The following PSMD13 variants were observed in gnomAD, a reference collection of about 807,000 sequenced individuals.
PSMD13 encodes proteasome 26S subunit, non-ATPase 13.
In PSMD13, 8 loss-of-function variants were observed where a neutral mutation model predicts 57.4. The observed-to-expected ratio is 0.14, with a 90% CI of 0.08 to 0.25. The LOEUF is 0.25. Ranked by LOEUF, PSMD13 falls within the 10% of genes least tolerant of loss-of-function variation. The pLI is 1.00. For missense variants in PSMD13, 400 were observed against 461.5 expected (o/e 0.87, Z 1.22); for synonymous variants, 193 against 168.2 (o/e 1.15, Z -1.14).
intron 1 of PSMD13, among the ~76,000 whole-genome samples, chr11:237,773 T>G (rs577035061): frequency 6.6e-5 from 10 of 152,238 alleles, no homozygotes; most frequent in Admixed American, 5.9e-4. Flanking sequence ...TTTAGGTTTG[T>G]TTAGAAACAG....
intron 2 of PSMD13, chr11:243,145 T>G (rs1208559045): frequency 3.2e-6 from 2 of 620,564 alleles, no homozygotes; most frequent in Non-Finnish European, 6.3e-6. Flanking sequence ...TGTTGAAGAC[T>G]TTGGTCACCA....
chr11:249,384 A>C (rs1431527343), intron 9 of PSMD13, among the ~76,000 whole-genome samples: 1 of 151,998 alleles, frequency 6.6e-6, no homozygotes, highest in African/African-American at 2.4e-5. Flanking sequence ...ATGAGTGAAG[A>C]GGTACGGGAA....
rs1859582297 is a variant in PSMD13 at position 244,148 on chromosome 11, G to T, written c.210-13G>T. 2 of 1,608,242 alleles carry T rather than the reference G, an allele frequency of 1.2e-6. No individual in the cohort carries two copies. Among genetic ancestry groups the T allele is most frequent in the Non-Finnish European group, 1.7e-6 (2 of 1,175,452 alleles). On this transcript the variant is annotated splice_polypyrimidine_tract_variant and intron_variant, in intron 3 of 12. Coordinates refer to ENST00000532097, the MANE Select transcript of PSMD13 (RefSeq NM_002817.4). ...GCTCGGCGGTGCTCAAAGGCTGGTG[G>T]CTTTTATTTCAGGGTGAACCCTTTG... is the stretch of plus-strand genomic sequence containing the variant.
At chr11:240,100 G>GTTTTT (rs1564820130) in intron 2 of PSMD13, among the ~76,000 whole-genome samples, 2 of 44,486 alleles carry the variant, frequency 4.5e-5, no homozygotes, top group African/African-American at 1.2e-4. Flanking sequence ...AATGAGACCT[G>GTTTTT]CTTTTTTTTT....
At chr11:245,278 G>C (rs1194521336) in intron 6 of PSMD13, among the ~76,000 whole-genome samples, 1 of 152,120 alleles carries the variant, frequency 6.6e-6, no homozygotes, top group African/African-American at 2.4e-5. Context: ...TTTTGCCTTT[G>C]TGTGTGTCTG....
intron 9 of PSMD13, 59 bp from the exon 10 acceptor site, chr11:250,744 T>G (rs1212402219): frequency 2.0e-6 from 3 of 1,513,916 alleles, no homozygotes; most frequent in Admixed American, 1.7e-5. Flanking sequence ...AGATCCCCAG[T>G]TAAGTAACTG....
intron 6 of PSMD13, among the ~76,000 whole-genome samples, chr11:245,245 C>T (rs962639276): frequency 1.3e-5 from 2 of 152,100 alleles, no homozygotes; most frequent in Non-Finnish European, 2.9e-5. Flanking sequence ...GCCCAGCCCC[C>T]CCGATTGCTA....
At position 236,989 on chromosome 11, in the gene PSMD13, A is replaced by C; in HGVS notation, c.-61A>C. 7.1e-7 allele frequency: 1 copy of C among 1,414,116 alleles called. No individual in the cohort carries two copies. Among genetic ancestry groups the C allele is most frequent in the Non-Finnish European group, 9.9e-7 (1 of 1,005,804 alleles). 87.6% of individuals were successfully genotyped at this position (1,414,116 alleles called of 1,614,324 possible). ...CCGGAAGTGAGTGAGCATTTCCGGC[A>C]GCCATCCCCGCGGTGCTGACATCCC... On this transcript the variant is annotated 5_prime_UTR_variant, in exon 1 of 13. Transcript: ENST00000532097.
At chr11:241,695 G>A (rs867502496) in intron 2 of PSMD13, among the ~76,000 whole-genome samples, 2 of 152,050 alleles carry the variant, frequency 1.3e-5, no homozygotes, top group African/African-American at 4.8e-5. Flanking sequence ...AGTCTGGTTC[G>A]TTACCCCTAA....
chr11:239,630 A>G (rs1295448696), intron 2 of PSMD13, among the ~76,000 whole-genome samples: 2 of 152,036 alleles, frequency 1.3e-5, no homozygotes, highest in African/African-American at 4.8e-5. Flanking sequence ...GGGTAGGTGG[A>G]TTGGAGGGAG....
chr11:249,560 C>CGGGGAGGGGGAGAGCGGT (rs1859730231), intron 9 of PSMD13, among the ~76,000 whole-genome samples: 1 of 86,400 alleles, frequency 1.2e-5, no homozygotes, highest in Non-Finnish European at 2.2e-5. Context: ...GGGAGAGCGG[C>CGGGGAGGGGGAGAGCGGT]GGGTGCGGGG....
In PSMD13 at chr11:249,070, C is replaced by G. The variant is rs370984537; in HGVS notation, c.774+13C>G. Reference sequence around the variant, plus strand: ...CTGGGGCCAGCAGGTAGGACTCCCACGATGCCCAGCCCTTATTCCCCCATG... The same window carrying G: ...CTGGGGCCAGCAGGTAGGACTCCCAGGATGCCCAGCCCTTATTCCCCCATG... On this transcript the variant is annotated intron_variant, in intron 9 of 12. Coordinates refer to ENST00000532097, the MANE Select transcript of PSMD13 (RefSeq NM_002817.4). 1 of 1,609,806 alleles carries G rather than the reference C, an allele frequency of 6.2e-7. No homozygotes were observed. The highest frequency in any genetic ancestry group is 8.5e-7 in the Non-Finnish European group (1 of 1,179,984).
chr11:240,101 C>CTTT (rs60869932), intron 2 of PSMD13, among the ~76,000 whole-genome samples: 1,248 of 51,378 alleles, frequency 0.024, 336 homozygotes, highest in Non-Finnish European at 0.03. Flanking sequence ...ATGAGACCTG[C>CTTT]TTTTTTTTTT....
At position 246,323 on chromosome 11, in the gene PSMD13, A is replaced by G. The variant is rs372933036; in HGVS notation, c.397-954A>G. 5.0e-4 allele frequency among the ~76,000 whole-genome samples: 76 copies of G among 152,202 alleles called. No individual in the cohort carries two copies. In the East Asian group the frequency reaches 0.01, roughly 21 times the overall value. On this transcript the variant is annotated intron_variant, in intron 6 of 12. Transcript: ENST00000532097. ...TCAAGACCAACCCAGCCAAGATGGTAAAACCCCGTCTCTACTAAAACCACA... is the reference window on the plus strand; with the variant it reads ...TCAAGACCAACCCAGCCAAGATGGTGAAACCCCGTCTCTACTAAAACCACA...
intron 6 of PSMD13, among the ~76,000 whole-genome samples, chr11:247,062 G>C (rs1477228210): frequency 6.6e-6 from 1 of 152,096 alleles, no homozygotes; most frequent in African/African-American, 2.4e-5. Flanking sequence ...CTTGGTAGTT[G>C]ATGCTTTTCA....
In PSMD13 at chr11:252,868, A is replaced by G. The variant is rs369873779; in HGVS notation, c.*268A>G. 45 of 404,158 alleles carry G rather than the reference A, an allele frequency of 1.1e-4. No individual in the cohort carries two copies. The South Asian group carries it at 1.2e-3, about 11-fold the overall frequency. 25.0% of individuals were successfully genotyped at this position (404,158 alleles called of 1,614,324 possible). A position where few individuals can be genotyped will look rare whatever the true frequency, so the allele number is the denominator to read the frequency against. Reference sequence around the variant, plus strand: ...GGAGAGAAAGAACGTGCCAGGCAGGAGGCCCCCTGAAGTCTGTGTACTCCG... The same window carrying G: ...GGAGAGAAAGAACGTGCCAGGCAGGGGGCCCCCTGAAGTCTGTGTACTCCG... On this transcript the variant is annotated 3_prime_UTR_variant, in exon 13 of 13. Coordinates refer to ENST00000532097, the MANE Select transcript of PSMD13 (RefSeq NM_002817.4). This position sits in a 1 kb window ranked among gnomAD's most constrained non-coding sequence, Gnocchi z 4.1.
chr11:252,681 G>A lies in PSMD13; in HGVS notation c.*81G>A, dbSNP rs1358414777. On this transcript the variant is annotated 3_prime_UTR_variant, in exon 13 of 13. Transcript: ENST00000532097. The surrounding 1 kb of genome is among the most constrained non-coding windows in gnomAD (Gnocchi z 4.1). ...GCCAATGAAGCTGGCTGCTCAGACG[G>A]TCGACATTGAATTTGGGTGGGGGTT... is the stretch of plus-strand genomic sequence containing the variant. 23 of 1,341,738 alleles carry A rather than the reference G, an allele frequency of 1.7e-5. No individual in the cohort carries two copies. Among genetic ancestry groups the A allele is most frequent in the Non-Finnish European group, 2.2e-5 (21 of 940,560 alleles). 83.1% of individuals were successfully genotyped at this position (1,341,738 alleles called of 1,614,324 possible). A position where few individuals can be genotyped will look rare whatever the true frequency, so the allele number is the denominator to read the frequency against.
At position 251,549 on chromosome 11, in the gene PSMD13, A is replaced by G. The variant is rs1859764680; in HGVS notation, c.841A>G (p.Thr281Ala). Residue 281 changes from threonine (T) to alanine (A), a missense_variant, in exon 11 of 13, where the codon ACT becomes GCT. By Grantham distance (58) the Thr-to-Ala change is moderately conservative. Coordinates refer to ENST00000532097, the MANE Select transcript of PSMD13 (RefSeq NM_002817.4). This position sits in a 1 kb window ranked among gnomAD's most constrained non-coding sequence, Gnocchi z 4.6. The part of the protein sequence containing the change: ...KIQLLCLMEM[T>A]FTRPANHRQL... ...TAGTTAATAAAATTTTTTCCAGATG[A>G]CTTTCACACGACCTGCCAATCACAG... 1 of 1,611,214 alleles carries G rather than the reference A, an allele frequency of 6.2e-7. No homozygotes were observed. Among genetic ancestry groups the G allele is most frequent in the South Asian group, 1.1e-5 (1 of 90,374 alleles).
chr11:252,703 G>C lies in PSMD13; in HGVS notation c.*103G>C. The C allele has an allele frequency of 1.8e-6, 2 of 1,095,528 alleles. No individual in the cohort carries two copies. The highest frequency in any genetic ancestry group is 2.7e-6 in the Non-Finnish European group (2 of 730,082). 67.9% of individuals were successfully genotyped at this position (1,095,528 alleles called of 1,614,324 possible). A position where few individuals can be genotyped will look rare whatever the true frequency, so the allele number is the denominator to read the frequency against. ...ACGGTCGACATTGAATTTGGGTGGG[G>C]GTTGGGATCCTGTCTGAAGTACAGA... is the stretch of plus-strand genomic sequence containing the variant. On this transcript the variant is annotated 3_prime_UTR_variant, in exon 13 of 13. Transcript: ENST00000532097. The surrounding 1 kb of genome is among the most constrained non-coding windows in gnomAD (Gnocchi z 4.1).
Sources: allele counts gnomAD v4.1 joint callset (sites outside exome capture counted in the v4.1 genomes callset), GRCh38; gene constraint gnomAD v4.1.1; non-coding constraint Gnocchi (gnomAD v3.1); transcripts MANE v1.5; gene names NCBI Gene and HGNC (gene_info 2026-07-23, HGNC 2026-07-21).